Variants in ASTN1 observed in about 807,000 individuals in gnomAD.
ASTN1 encodes astrotactin 1, also known as astrotactin-1.
A neutral mutation model predicts 140.7 loss-of-function variants in ASTN1; 41 were observed. That is an observed-to-expected ratio of 0.29 (90% CI 0.23 to 0.38). The LOEUF (loss-of-function observed/expected upper bound fraction) is 0.38, where lower values mean the gene tolerates loss of function less well. Among genes scored for constraint, ASTN1 ranks in the 10% least tolerant of loss-of-function variants. ASTN1 has a pLI of 1.00. For missense variants in ASTN1, 1,479 were observed against 1,678.8 expected (o/e 0.88, Z 2.08); for synonymous variants, 640 against 652.2 (o/e 0.98, Z 0.29).
intron 1 of ASTN1, among the ~76,000 whole-genome samples, chr1:177,101,200 T>C (rs759118457): frequency 5.3e-5 from 8 of 152,196 alleles, no homozygotes; most frequent in Non-Finnish European, 1.0e-4. Flanking sequence ...ATTCCACTCA[T>C]TATTATACAT....
intron 16 of ASTN1, among the ~76,000 whole-genome samples, chr1:176,900,171 C>T (rs1202447951): frequency 1.3e-5 from 2 of 152,162 alleles, no homozygotes; most frequent in African/African-American, 4.8e-5. Context: ...ACACATCAAA[C>T]AGTAAAGAAG....
intron 1 of ASTN1, among the ~76,000 whole-genome samples, chr1:177,157,516 T>C (rs1423980545): frequency 1.3e-5 from 2 of 152,112 alleles, no homozygotes; most frequent in African/African-American, 2.4e-5. Context: ...GGTTTTGTCA[T>C]GTTGCCAAGG....
chr1:177,037,916 T>G lies in ASTN1; in HGVS notation c.472-5067A>C, dbSNP rs142604064. ...TGTAATAGATACCACACAAATGAAG[T>G]CAGCTTTTATTTTATTATGAAATTG... On this transcript the variant is annotated intron_variant, in intron 2 of 22. Transcript: ENST00000361833. Among the ~76,000 whole-genome samples the G allele has an allele frequency of 3.1e-3, 471 of 152,278 alleles. 4 individuals carry two copies. Among genetic ancestry groups the G allele is most frequent in the African/African-American group, 0.011 (444 of 41,550 alleles).
chr1:176,863,238 A>G lies in ASTN1; in HGVS notation c.*1046T>C. On this transcript the variant is annotated 3_prime_UTR_variant, in exon 23 of 23. Coordinates refer to ENST00000361833, the MANE Select transcript of ASTN1 (RefSeq NM_004319.3). ...CAAAACTAGCAACACAAGCAAATTT[A>G]GCAAGGTGGGGATGAACAGAAGTTT... is the stretch of plus-strand genomic sequence containing the variant. 1.0e-6 allele frequency: 1 copy of G among 985,928 alleles called. No homozygotes were observed. The highest frequency in any genetic ancestry group is 4.7e-5 in the South Asian group (1 of 21,292). The allele number at this position is 985,928 out of a possible 1,614,324, so 61.1% of individuals were successfully genotyped here.
intron 1 of ASTN1, among the ~76,000 whole-genome samples, chr1:177,098,513 C>T (rs1680147449): frequency 6.6e-6 from 1 of 152,062 alleles, no homozygotes; most frequent in South Asian, 2.1e-4. Context: ...TGCCTAATAG[C>T]CCCTTTCCAT....
chr1:177,067,850 C>T (rs1678442027), intron 1 of ASTN1, among the ~76,000 whole-genome samples: 2 of 152,094 alleles, frequency 1.3e-5, no homozygotes, highest in South Asian at 4.1e-4. Context: ...AGAGGAGGAA[C>T]AAAGTCAGGA....
intron 1 of ASTN1, among the ~76,000 whole-genome samples, chr1:177,079,920 A>G (rs553697492): frequency 6.6e-6 from 1 of 152,196 alleles, no homozygotes; most frequent in Non-Finnish European, 1.5e-5. Context: ...TAAAAATGTA[A>G]TTCTTTGTAT....
intron 11 of ASTN1, among the ~76,000 whole-genome samples, chr1:176,953,984 C>T (rs535940135): frequency 6.6e-5 from 10 of 152,230 alleles, no homozygotes; most frequent in African/African-American, 2.4e-4. Flanking sequence ...AAGATTCAAA[C>T]AAAATTTTAT....
chr1:177,152,828 C>T (rs530567769), intron 1 of ASTN1, among the ~76,000 whole-genome samples: 6 of 152,044 alleles, frequency 3.9e-5, no homozygotes, highest in Non-Finnish European at 8.8e-5. Context: ...TATGAAAACA[C>T]ATTACAGAAT....
intron 8 of ASTN1, among the ~76,000 whole-genome samples, chr1:176,992,835 G>A (rs1674251532): frequency 6.6e-6 from 1 of 152,108 alleles, no homozygotes; most frequent in Non-Finnish European, 1.5e-5. Context: ...AGTGCTGTGG[G>A]TTGAATTGTC....
At chr1:176,915,751 G>A (rs771474717) in intron 16 of ASTN1, among the ~76,000 whole-genome samples, 6 of 152,168 alleles carry the variant, frequency 3.9e-5, no homozygotes, top group African/African-American at 7.2e-5. Context: ...GGTGTGATGC[G>A]GGGAGGAGAG....
chr1:176,989,987 C>T (rs1674083986), intron 8 of ASTN1, among the ~76,000 whole-genome samples: 1 of 152,070 alleles, frequency 6.6e-6, no homozygotes, highest in African/African-American at 2.4e-5. Context: ...TTCTGACTCT[C>T]AGTGGATTTG....
At position 176,894,634 on chromosome 1, in the gene ASTN1, A is replaced by G; in HGVS notation, c.2868T>C (p.Ala956=). 6.2e-7 allele frequency: 1 copy of G among 1,614,118 alleles called. No homozygotes were observed. Among genetic ancestry groups the G allele is most frequent in the Non-Finnish European group, 8.5e-7 (1 of 1,180,016 alleles). ...CHVTSSPDTP[A]EPVLLEVTKA... Reference sequence around the variant, plus strand: ...TGGTCACCTCCAGCAGAACCGGCTCAGCAGGGGTGTCAGGGCTGGATGTCA... The same window carrying G: ...TGGTCACCTCCAGCAGAACCGGCTCGGCAGGGGTGTCAGGGCTGGATGTCA... Residue 956 remains alanine (A), a synonymous_variant, in exon 17 of 23, where the codon GCT becomes GCC. Transcript: ENST00000361833.
At chr1:177,110,448 G>A (rs1239345630) in intron 1 of ASTN1, among the ~76,000 whole-genome samples, 3 of 152,128 alleles carry the variant, frequency 2.0e-5, no homozygotes, top group East Asian at 1.9e-4. Context: ...GTGAGTAAGA[G>A]TATCAAAAAT....
At chr1:177,134,070 C>T (rs1468243695) in intron 1 of ASTN1, among the ~76,000 whole-genome samples, 1 of 152,226 alleles carries the variant, frequency 6.6e-6, no homozygotes, top group African/African-American at 2.4e-5. Flanking sequence ...GCACAGATCT[C>T]TGGATCCACA....
At chr1:177,084,716 C>G (rs550675002) in intron 1 of ASTN1, among the ~76,000 whole-genome samples, 28 of 152,204 alleles carry the variant, frequency 1.8e-4, no homozygotes, top group Non-Finnish European at 2.9e-4. Context: ...TCCACTCTTT[C>G]TCACGGCTTG....
chr1:176,969,905 G>T (rs1430452973), intron 8 of ASTN1, among the ~76,000 whole-genome samples: 4 of 152,172 alleles, frequency 2.6e-5, no homozygotes, highest in African/African-American at 9.7e-5. Flanking sequence ...CTTCCATTCA[G>T]GCACATCACA....
At chr1:176,874,362 G>A (rs1668474921) in intron 21 of ASTN1, among the ~76,000 whole-genome samples, 1 of 152,168 alleles carries the variant, frequency 6.6e-6, no homozygotes, top group Non-Finnish European at 1.5e-5. Flanking sequence ...GAGAGTTTCG[G>A]TATGTAACTT....
chr1:176,882,691 G>A (rs1023303014), intron 20 of ASTN1, among the ~76,000 whole-genome samples, 168 bp downstream of exon 20: 2 of 152,036 alleles, frequency 1.3e-5, no homozygotes, highest in African/African-American at 4.8e-5. Flanking sequence ...CCCCATTCCA[G>A]TGTCTAAGTA....
Sources: gnomAD v4.1 joint callset for allele counts (sites outside exome capture counted in the v4.1 genomes callset) on GRCh38, gnomAD v4.1.1 for gene constraint, MANE v1.5 for transcripts, NCBI Gene and HGNC (gene_info 2026-07-23, HGNC 2026-07-21) for gene names.